VIT: variants seen among roughly 807,000 people sequenced by gnomAD.
VIT encodes vitrin.
A neutral mutation model predicts 78.0 loss-of-function variants in VIT; 99 were observed. The ratio of observed to expected loss-of-function variants is 1.27; its 90% CI spans 1.08 to 1.50. The LOEUF is 1.50. VIT is among the 40% of genes most tolerant of loss of function. The pLI is 0.00. For missense variants in VIT, 1,126 were observed against 875.3 expected, an observed-to-expected ratio of 1.29 and a Z score of -3.61; for synonymous variants, 374 against 334.3, an observed-to-expected ratio of 1.12 and a Z score of -1.29.
At position 36,731,271 on chromosome 2, in the gene VIT, T is replaced by C. The variant is rs550282126; in HGVS notation, c.118+1780T>C. Reference sequence around the variant, plus strand: ...GCAGAGTGGGAAATGTCTTCATTTTTATTTTATTTTATTTTATTTTTGAGA... The same window carrying C: ...GCAGAGTGGGAAATGTCTTCATTTTCATTTTATTTTATTTTATTTTTGAGA... On this transcript the variant is annotated intron_variant, in intron 3 of 15. Transcript: ENST00000379242. 5.9e-5 allele frequency among the ~76,000 whole-genome samples: 9 copies of C among 152,116 alleles called. No individual in the cohort carries two copies. In the South Asian group the frequency reaches 1.7e-3, roughly 28 times the overall value.
chr2:36,709,687 C>T (rs1990640), intron 1 of VIT, among the ~76,000 whole-genome samples: 95,944 of 151,938 alleles, frequency 0.63, 31,058 homozygotes, highest in African/African-American at 0.78. Context: ...GTTGGTAAAG[C>T]AGTCCAGATA....
chr2:36,774,440 C>T (rs1669934844), intron 8 of VIT: 5 of 948,586 alleles, frequency 5.3e-6, no homozygotes, highest in Non-Finnish European at 6.3e-6. Context: ...TTTCCACAAA[C>T]TCTACTCACA....
intron 14 of VIT, among the ~76,000 whole-genome samples, chr2:36,807,399 G>A (rs1666810512): frequency 6.6e-6 from 1 of 152,284 alleles, no homozygotes; most frequent in African/African-American, 2.4e-5. Context: ...GTCTCCTGCT[G>A]TGACTTCACT....
chr2:36,743,611 T>C (rs1667967460), intron 4 of VIT, among the ~76,000 whole-genome samples: 2 of 152,208 alleles, frequency 1.3e-5, no homozygotes, highest in South Asian at 4.1e-4. Context: ...GTGGTTATAA[T>C]GTGCTCTTGT....
chr2:36,716,852 C>T (rs1453373720), intron 2 of VIT, among the ~76,000 whole-genome samples: 4 of 149,398 alleles, frequency 2.7e-5, no homozygotes, highest in Non-Finnish European at 4.4e-5. Flanking sequence ...TAGCAACTCA[C>T]GCTTTTAGAG....
chr2:36,707,821 T>C (rs1366566259), intron 1 of VIT, among the ~76,000 whole-genome samples: 1 of 150,730 alleles, frequency 6.6e-6, no homozygotes, highest in Non-Finnish European at 1.5e-5. Flanking sequence ...CTGCCTTCCT[T>C]ACCTACTTGG....
chr2:36,733,222 C>A (rs1471356687), intron 3 of VIT, among the ~76,000 whole-genome samples: 1 of 152,324 alleles, frequency 6.6e-6, no homozygotes, highest in Admixed American at 6.5e-5. Context: ...GCAGGAAATA[C>A]AGCTGTAACT....
intron 1 of VIT, among the ~76,000 whole-genome samples, chr2:36,712,345 T>C (rs1023809447): frequency 2.0e-5 from 3 of 152,140 alleles, no homozygotes; most frequent in Admixed American, 1.3e-4. Flanking sequence ...ACTCCCGGAA[T>C]CCCGTTGGTT....
intron 13 of VIT, among the ~76,000 whole-genome samples, chr2:36,803,896 G>A (rs75852679): frequency 6.6e-6 from 1 of 152,122 alleles, no homozygotes; most frequent in East Asian, 1.9e-4. Flanking sequence ...AAAATACTGT[G>A]TATAATTTCA....
chr2:36,709,923 C>A (rs1417299618), intron 1 of VIT, among the ~76,000 whole-genome samples: 2 of 152,198 alleles, frequency 1.3e-5, no homozygotes, highest in Non-Finnish European at 2.9e-5. Context: ...GAATTCTGAA[C>A]AGGTGAATGC....
At chr2:36,761,059 G>C (rs892793539) in intron 6 of VIT, among the ~76,000 whole-genome samples, 1 of 152,046 alleles carries the variant, frequency 6.6e-6, no homozygotes, top group African/African-American at 2.4e-5. Flanking sequence ...TTTACCATGA[G>C]TGGAAGAGCA....
chr2:36,763,029 A>C lies in VIT; in HGVS notation c.487+3983A>C, dbSNP rs1184618994. The stretch of plus-strand genomic sequence containing the variant: ...AGAAGTTTTTTTAAAAAAAACTAGG[A>C]AGGCACATTCCTAGTATCACAGCAA... On this transcript the variant is annotated intron_variant, in intron 6 of 15. Transcript: ENST00000379242. Among the ~76,000 whole-genome samples, 6 of 152,328 alleles carry C rather than the reference A, an allele frequency of 3.9e-5. No individual in the cohort carries two copies. In the East Asian group the frequency reaches 1.2e-3, roughly 29 times the overall value.
intron 1 of VIT, among the ~76,000 whole-genome samples, chr2:36,699,389 G>T (rs546282939): frequency 6.6e-6 from 1 of 152,180 alleles, no homozygotes; most frequent in Non-Finnish European, 1.5e-5. Context: ...AAATGAAGAA[G>T]TATCGAAATA....
At chr2:36,796,648 GT>G (rs1267031493) in intron 12 of VIT, among the ~76,000 whole-genome samples, 2 of 150,360 alleles carry the variant, frequency 1.3e-5, no homozygotes, top group African/African-American at 4.9e-5. Flanking sequence ...GTTTTTTGTT[GT>G]TGTTGTTTGT....
chr2:36,809,579 G>A (rs149515852), intron 15 of VIT, among the ~76,000 whole-genome samples: 4 of 152,038 alleles, frequency 2.6e-5, no homozygotes, highest in East Asian at 1.9e-4. Flanking sequence ...CACCACACCC[G>A]GCTAATTTTT....
chr2:36,738,364 C>A (rs951341021), intron 3 of VIT, among the ~76,000 whole-genome samples: 2 of 152,200 alleles, frequency 1.3e-5, no homozygotes, highest in African/African-American at 2.4e-5. Flanking sequence ...AACAAATTAA[C>A]TTGCCTCTCT....
chr2:36,722,306 C>G (rs994500899), intron 2 of VIT, among the ~76,000 whole-genome samples: 1 of 152,174 alleles, frequency 6.6e-6, no homozygotes, highest in Non-Finnish European at 1.5e-5. Flanking sequence ...CATTCTGGTT[C>G]CAACTTCTTC....
At chr2:36,740,199 A>G (rs1448104994) in intron 3 of VIT, among the ~76,000 whole-genome samples, 1 of 152,238 alleles carries the variant, frequency 6.6e-6, no homozygotes, top group East Asian at 1.9e-4. Flanking sequence ...AGAGGAAGAA[A>G]GGAAAACCTA....
rs182729056 is a variant in VIT, at chr2:36,808,650, C to G, written c.1568C>G (p.Thr523Arg). ...FVIDGSSSVG[T>R]GNFRTVLQFV... ...ATCGACGGCTCCAGCAGTGTGGGGACGGGCAACTTCCGCACCGTCCTCCAG... is the reference window on the plus strand; with the variant it reads ...ATCGACGGCTCCAGCAGTGTGGGGAGGGGCAACTTCCGCACCGTCCTCCAG... The change falls in exon 15 of 16, where the codon ACG (threonine) becomes AGG (arginine). Residue 523 changes from threonine to arginine, a missense_variant. Transcript: ENST00000379242. 3.1e-6 allele frequency: 5 copies of G among 1,614,210 alleles called. No homozygotes were observed. The East Asian group carries it at 8.9e-5, about 29-fold the overall frequency.
Sources: allele counts gnomAD v4.1 joint callset (sites outside exome capture counted in the v4.1 genomes callset), GRCh38; gene constraint gnomAD v4.1.1; transcripts MANE v1.5; gene names NCBI Gene and HGNC (gene_info 2026-07-23, HGNC 2026-07-21).